HNRNPK: variants seen among roughly 807,000 people sequenced by gnomAD.
HNRNPK encodes the protein heterogeneous nuclear ribonucleoprotein K, also known as dC-stretch binding protein.
In HNRNPK, 7 loss-of-function variants were observed where a neutral mutation model predicts 67.0. That is an observed-to-expected ratio of 0.10 (90% CI 0.06 to 0.20). The LOEUF is 0.20. Among genes scored for constraint, HNRNPK ranks in the 10% least tolerant of loss-of-function variants. The pLI is 1.00. For synonymous variants in HNRNPK, 213 were observed against 193.7 expected (o/e 1.10, Z -0.83); for missense variants, 264 against 606.5 (o/e 0.44, Z 5.93).
intron 16 of HNRNPK, chr9:83,969,682 G>A: frequency 4.9e-6 from 3 of 608,348 alleles, no homozygotes; most frequent in Non-Finnish European, 9.0e-6. Context: ...GTTAATATTT[G>A]GTAGAAAAGA....
intron 9 of HNRNPK, 38 bp downstream of exon 9, chr9:83,973,248 T>C: frequency 8.4e-7 from 1 of 1,195,194 alleles, no homozygotes; most frequent in Non-Finnish European, 1.2e-6. Context: ...AAAATTTACT[T>C]TCCAGCAAAG....
intron 13 of HNRNPK, 52 bp downstream of exon 13, chr9:83,971,221 T>G (rs1239150746): frequency 8.5e-7 from 1 of 1,178,558 alleles, no homozygotes; most frequent in Non-Finnish European, 1.3e-6. Context: ...GGAGAGCAGG[T>G]AAGCATCTTA....
At chr9:83,979,822 G>A (rs1957292243) in intron 1 of HNRNPK, among the ~76,000 whole-genome samples, 1 of 152,148 alleles carries the variant, frequency 6.6e-6, no homozygotes, top group African/African-American at 2.4e-5. Flanking sequence ...GACCCAAGGT[G>A]AGGCGGGGCT....
At chr9:83,970,078 TA>T in intron 16 of HNRNPK, 83 bp downstream of exon 16, 2 of 1,200,790 alleles carry the variant, frequency 1.7e-6, no homozygotes, top group Admixed American at 2.2e-5. Flanking sequence ...CCATGGCTTC[TA>T]AAAGAAAAAA....
At chr9:83,975,221 G>A (rs929337509) in intron 6 of HNRNPK, among the ~76,000 whole-genome samples, 7 of 152,098 alleles carry the variant, frequency 4.6e-5, no homozygotes, top group African/African-American at 7.2e-5. Context: ...TTTACAATGC[G>A]GCAAATATGC....
Position 83,977,685 on chromosome 9 carries a change from A to G in HNRNPK, c.156+4T>C. 2.6e-6 allele frequency: 4 copies of G among 1,561,858 alleles called. No individual in the cohort carries two copies. Among genetic ancestry groups the G allele is most frequent in the Non-Finnish European group, 3.5e-6 (4 of 1,138,224 alleles). ...CTTCAAATTTTCAAGAATAAAATTT[A>G]TACCTTGCTCTGAAGCAGAATGCGT... On this transcript the variant is annotated splice_donor_region_variant and intron_variant, in intron 4 of 16. Coordinates refer to ENST00000376263, the MANE Select transcript of HNRNPK (RefSeq NM_031263.4).
At chr9:83,977,078 T>C in intron 4 of HNRNPK, 27 bp from the exon 5 acceptor site, 5 of 1,570,074 alleles carry the variant, frequency 3.2e-6, no homozygotes, top group Non-Finnish European at 4.4e-6. Context: ...GACAAAAAAT[T>C]ATTTTGCCTT....
chr9:83,972,873 T>G lies in HNRNPK; in HGVS notation c.616A>C (p.Ile206Leu). ...GATATAAGATCAAGGATGATCTTTA[T>G]GCACTCTACAACCCTATCGGGTTTT... ...GGKPDRVVECIKIILDLISES... is the reference protein window; with the variant it reads ...GGKPDRVVECLKIILDLISES... The change falls in exon 10 of 17, where the codon ATA becomes CTA. Residue 206 changes from isoleucine to leucine, a missense_variant. By Grantham distance (5) the Ile-to-Leu change is conservative (BLOSUM62 2). Coordinates refer to ENST00000376263, the MANE Select transcript of HNRNPK (RefSeq NM_031263.4). The G allele has an allele frequency of 1.2e-6, 2 of 1,608,270 alleles. No individual in the cohort carries two copies. Among genetic ancestry groups the G allele is most frequent in the Non-Finnish European group, 1.7e-6 (2 of 1,177,414 alleles).
chr9:83,973,491 G>T, intron 8 of HNRNPK, 92 bp from the exon 9 acceptor site: 2 of 754,618 alleles, frequency 2.7e-6, no homozygotes, highest in Non-Finnish European at 2.4e-6. Flanking sequence ...ATATACTGTT[G>T]CAGTGAGCAA....
At chr9:83,980,436 CAGCCTTTCAGGG>C (rs879692496), upstream of HNRNPK, 3 of 152,868 alleles carry the variant, frequency 2.0e-5, no homozygotes, top group Admixed American at 2.0e-4. Context: ...AAAGTAAACG[CAGCCTTTCAGGG>C]AGCCCCAACC....
At position 83,968,385 on chromosome 9, in the gene HNRNPK, T is replaced by C. The variant is rs1268375786; in HGVS notation, c.*1022A>G. The C allele has an allele frequency of 1.3e-5, 2 of 152,438 alleles. No individual in the cohort carries two copies. 9.4% of individuals were successfully genotyped at this position (152,438 alleles called of 1,614,324 possible). On this transcript the variant is annotated 3_prime_UTR_variant, in exon 17 of 17. Coordinates refer to ENST00000376263, the MANE Select transcript of HNRNPK (RefSeq NM_031263.4). ...CATACAATGGAAAAACAAGTATATA[T>C]ATATTTTACAAAGTTTAACTAATAA...
chr9:83,969,949 T>G, intron 16 of HNRNPK: 1 of 653,278 alleles, frequency 1.5e-6, no homozygotes, highest in Non-Finnish European at 2.8e-6. Flanking sequence ...GTTTGCTTGG[T>G]TAAGGCTTCT....
chr9:83,976,293 G>C (rs1270324420), intron 5 of HNRNPK, among the ~76,000 whole-genome samples: 5 of 152,112 alleles, frequency 3.3e-5, no homozygotes, highest in African/African-American at 1.2e-4. Context: ...CTCATTTTTA[G>C]CAAGAAAAAC....
chr9:83,972,321 AATT>A, intron 10 of HNRNPK, 132 bp from the exon 11 acceptor site: 1 of 673,588 alleles, frequency 1.5e-6, no homozygotes. Flanking sequence ...CAGAAACAGG[AATT>A]ATGTCAACGC....
intron 1 of HNRNPK, among the ~76,000 whole-genome samples, chr9:83,979,800 C>T (rs963127626): frequency 1.3e-5 from 2 of 152,168 alleles, no homozygotes; most frequent in Non-Finnish European, 2.9e-5. Context: ...CAGCTCCGAC[C>T]CCGGGCCGGG....
chr9:83,969,959 T>C, intron 16 of HNRNPK: 1 of 659,346 alleles, frequency 1.5e-6, no homozygotes, highest in African/African-American at 1.8e-5. Flanking sequence ...TTAAGGCTTC[T>C]TCCAGCAAGA....
At chr9:83,973,502 C>T in intron 8 of HNRNPK, 103 bp from the exon 9 acceptor site, 1 of 711,446 alleles carries the variant, frequency 1.4e-6, no homozygotes, top group South Asian at 1.7e-5. Context: ...CAGTGAGCAA[C>T]CTGAATTTAT....
At chr9:83,980,309 G>A (rs575476804), upstream of HNRNPK, 1 of 152,262 alleles carries the variant, frequency 6.6e-6, no homozygotes, top group Non-Finnish European at 1.5e-5. Flanking sequence ...AGGGCGAAGC[G>A]ATTGGCCCGA....
In HNRNPK at chr9:83,974,381, T is replaced by C. The variant is rs1345882825; in HGVS notation, c.330+136A>G. ...AAAACAAATTACGCATGTACAAAATTATGTAGCAGGTTAAGATACTGCTAC... is the reference window on the plus strand; with the variant it reads ...AAAACAAATTACGCATGTACAAAATCATGTAGCAGGTTAAGATACTGCTAC... On this transcript the variant is annotated intron_variant, in intron 7 of 16. Coordinates refer to ENST00000376263, the MANE Select transcript of HNRNPK (RefSeq NM_031263.4). 9 of 484,718 alleles carry C rather than the reference T, an allele frequency of 1.9e-5. No homozygotes were observed. In the East Asian group the frequency reaches 2.6e-4, roughly 14 times the overall value. 30.0% of individuals were successfully genotyped at this position (484,718 alleles called of 1,614,324 possible).
Sources: allele counts gnomAD v4.1 joint callset (sites outside exome capture counted in the v4.1 genomes callset), GRCh38; gene constraint gnomAD v4.1.1; transcripts MANE v1.5; gene names NCBI Gene and HGNC (gene_info 2026-07-23, HGNC 2026-07-21).